The following ADGRL3 variants were observed in gnomAD, a reference collection of about 807,000 sequenced individuals.
ADGRL3 encodes adhesion G protein-coupled receptor L3, also known as calcium-independent alpha-latrotoxin receptor 3.
In ADGRL3, 62 loss-of-function variants were observed where a neutral mutation model predicts 153.5. The ratio of observed to expected loss-of-function variants is 0.40; its 90% CI spans 0.33 to 0.50. The LOEUF is 0.50. ADGRL3 is among the 20% of genes least tolerant of loss of function. ADGRL3 has a pLI of 0.47. For missense variants in ADGRL3, 1,641 were observed against 1,859.4 expected (o/e 0.88, Z 2.16); for synonymous variants, 710 against 672.5 (o/e 1.06, Z -0.86).
intron 2 of ADGRL3, among the ~76,000 whole-genome samples, chr4:61,386,139 A>G (rs2096733380): frequency 6.6e-6 from 1 of 152,198 alleles, no homozygotes; most frequent in South Asian, 2.1e-4. Context: ...GAGTCCTCAC[A>G]TCTAGAAAAT....
chr4:61,622,259 T>C (rs1487152558), intron 5 of ADGRL3, among the ~76,000 whole-genome samples: 8 of 152,232 alleles, frequency 5.3e-5, no homozygotes, highest in African/African-American at 1.7e-4. Flanking sequence ...AATCCCACCA[T>C]ATGCAGACTA....
Position 61,426,773 on chromosome 4 carries a change from A to C in ADGRL3, c.-174+43584A>C. The C allele has an allele frequency of 1.3e-5, 2 of 152,330 alleles. 1 individual carries two copies. Among genetic ancestry groups the C allele is most frequent in the East Asian group, 3.8e-4 (2 of 5,198 alleles). The allele number at this position is 152,330 out of a possible 1,614,324, so 9.4% of individuals were successfully genotyped here. ...CATCCTGGTGGAACTGGGTCGAGCAACATCATCCTGCCCCGTCTTGGGCAT... is the reference window on the plus strand; with the variant it reads ...CATCCTGGTGGAACTGGGTCGAGCACCATCATCCTGCCCCGTCTTGGGCAT... On this transcript the variant is annotated intron_variant, in intron 2 of 26. Transcript: ENST00000683033.
chr4:61,270,815 T>A (rs2093131254), intron 1 of ADGRL3, among the ~76,000 whole-genome samples: 1 of 151,700 alleles, frequency 6.6e-6, no homozygotes, highest in Non-Finnish European at 1.5e-5. Flanking sequence ...GTTTTTGCAT[T>A]GTCTGTAATC....
At chr4:61,323,320 G>A (rs1012109831) in intron 1 of ADGRL3, among the ~76,000 whole-genome samples, 3 of 152,158 alleles carry the variant, frequency 2.0e-5, no homozygotes, top group African/African-American at 4.8e-5. Flanking sequence ...TTTCCTCATT[G>A]TCTTGGTGAT....
chr4:61,907,261 TTTAG>T (rs957265816), intron 11 of ADGRL3, among the ~76,000 whole-genome samples: 9 of 152,094 alleles, frequency 5.9e-5, no homozygotes, highest in African/African-American at 1.2e-4. Flanking sequence ...TATTTATTTA[TTTAG>T]TTAGTTAGTT....
At chr4:61,572,197 C>T (rs1235436238) in intron 4 of ADGRL3, among the ~76,000 whole-genome samples, 2 of 152,106 alleles carry the variant, frequency 1.3e-5, no homozygotes, top group Non-Finnish European at 2.9e-5. Context: ...ATAAACCATA[C>T]AAAACACTAT....
intron 21 of ADGRL3, among the ~76,000 whole-genome samples, chr4:62,018,525 C>T (rs1397518243): frequency 6.6e-6 from 1 of 151,980 alleles, no homozygotes; most frequent in African/African-American, 2.4e-5. Context: ...AAGACAAGAC[C>T]TAGGAATGAC....
chr4:62,000,837 A>G (rs753818697), intron 21 of ADGRL3, among the ~76,000 whole-genome samples: 27 of 151,820 alleles, frequency 1.8e-4, no homozygotes, highest in Non-Finnish European at 3.7e-4. Flanking sequence ...TTTGAAGTGC[A>G]GTAGTGCCAT....
At chr4:61,747,624 A>G (rs1463819694) in intron 8 of ADGRL3, among the ~76,000 whole-genome samples, 1 of 146,806 alleles carries the variant, frequency 6.8e-6, no homozygotes. Flanking sequence ...TTATCTCAAT[A>G]GATGCAGAAA....
At chr4:61,397,081 T>G (rs947220247) in intron 2 of ADGRL3, among the ~76,000 whole-genome samples, 1 of 151,700 alleles carries the variant, frequency 6.6e-6, no homozygotes, top group Non-Finnish European at 1.5e-5. Flanking sequence ...ACAATAACAA[T>G]AGTGCAGTTT....
chr4:61,585,926 CA>C (rs982820358), intron 4 of ADGRL3, among the ~76,000 whole-genome samples: 25 of 151,764 alleles, frequency 1.6e-4, no homozygotes, highest in Non-Finnish European at 1.3e-4. Flanking sequence ...TTTTCTTATA[CA>C]AAAAACTTTT....
At chr4:61,592,234 G>A (rs1202525225) in intron 5 of ADGRL3, among the ~76,000 whole-genome samples, 2 of 152,152 alleles carry the variant, frequency 1.3e-5, no homozygotes, top group Non-Finnish European at 2.9e-5. Context: ...TTTCAATAGT[G>A]TGAGGAGGTG....
chr4:61,678,554 T>A (rs2150936575), intron 6 of ADGRL3, among the ~76,000 whole-genome samples: 1 of 152,128 alleles, frequency 6.6e-6, no homozygotes, highest in East Asian at 1.9e-4. Context: ...GCTCATACAC[T>A]TTTACATAAA....
At chr4:62,039,062 A>C (rs1028249179) in intron 24 of ADGRL3, among the ~76,000 whole-genome samples, 160 of 152,274 alleles carry the variant, frequency 1.1e-3, no homozygotes, top group African/African-American at 3.7e-3. Context: ...CTATATATCT[A>C]ATTATTGTTT....
At chr4:61,754,028 G>A (rs1305019337) in intron 8 of ADGRL3, among the ~76,000 whole-genome samples, 1 of 152,160 alleles carries the variant, frequency 6.6e-6, no homozygotes, top group Non-Finnish European at 1.5e-5. Context: ...AGCCTGCCGG[G>A]AAGTGACCTT....
intron 1 of ADGRL3, among the ~76,000 whole-genome samples, chr4:61,245,557 G>A (rs1252894686): frequency 6.6e-6 from 1 of 152,010 alleles, no homozygotes; most frequent in East Asian, 1.9e-4. Flanking sequence ...TCTCCCACAT[G>A]CAATTACTGG....
At chr4:61,240,865 C>T (rs1463890842) in intron 1 of ADGRL3, among the ~76,000 whole-genome samples, 2 of 151,896 alleles carry the variant, frequency 1.3e-5, no homozygotes, top group African/African-American at 4.8e-5. Flanking sequence ...GGACATAGGA[C>T]ATGCTTGATA....
At chr4:61,721,238 G>A (rs1162015144) in intron 6 of ADGRL3, among the ~76,000 whole-genome samples, 1 of 152,086 alleles carries the variant, frequency 6.6e-6, no homozygotes, top group African/African-American at 2.4e-5. Flanking sequence ...TCCCACAATA[G>A]GCTGCCTGCA....
chr4:61,847,611 T>A (rs1432056907), intron 9 of ADGRL3, among the ~76,000 whole-genome samples: 5 of 55,138 alleles, frequency 9.1e-5, no homozygotes, highest in Non-Finnish European at 1.2e-4. Context: ...ATATAATATA[T>A]TATATATATA....
Sources: gnomAD v4.1 joint callset for allele counts (sites outside exome capture counted in the v4.1 genomes callset) on GRCh38, gnomAD v4.1.1 for gene constraint, MANE v1.5 for transcripts, NCBI Gene and HGNC (gene_info 2026-07-23, HGNC 2026-07-21) for gene names.